The following RELN variants were observed in gnomAD, a reference collection of about 807,000 sequenced individuals.
RELN encodes reelin.
RELN carries 108 observed loss-of-function variants against 427.6 expected under a neutral mutation model. The observed-to-expected ratio is 0.25, with a 90% CI of 0.22 to 0.30. The LOEUF is 0.30. RELN is among the 10% of genes least tolerant of loss of function. The pLI, the probability that RELN is intolerant of heterozygous loss-of-function variation, is 1.00. For synonymous variants in RELN, 1,524 were observed against 1,513.4 expected, an observed-to-expected ratio of 1.01 and a Z score of -0.16; for missense variants, 3,715 against 4,302.8, an observed-to-expected ratio of 0.86 and a Z score of 3.82.
intron 1 of RELN, among the ~76,000 whole-genome samples, chr7:103,922,749 A>C (rs1416568323): frequency 1.3e-5 from 2 of 152,184 alleles, no homozygotes; most frequent in East Asian, 3.8e-4. Flanking sequence ...GAAAGTCTAA[A>C]AGAAAATAAA....
intron 1 of RELN, among the ~76,000 whole-genome samples, chr7:103,950,411 AACT>A (rs1164249374): frequency 6.6e-6 from 1 of 152,214 alleles, no homozygotes; most frequent in Non-Finnish European, 1.5e-5. Context: ...ATAAACATAA[AACT>A]ACTAAATTGA....
At chr7:103,658,116 C>T (rs1226538176) in intron 12 of RELN, among the ~76,000 whole-genome samples, 1 of 152,090 alleles carries the variant, frequency 6.6e-6, no homozygotes, top group Non-Finnish European at 1.5e-5. Context: ...TTGTCTAATA[C>T]ACTGCATTCT....
At chr7:103,747,176 C>T (rs1230133510) in intron 6 of RELN, among the ~76,000 whole-genome samples, 10 of 150,938 alleles carry the variant, frequency 6.6e-5, no homozygotes, top group Non-Finnish European at 1.5e-4. Context: ...AAAAACCAAA[C>T]ACCGCATGTT....
Position 103,989,383 on chromosome 7 carries a change from G to GCCGCCGCCGCCGCCGCCGCCGC in RELN, c.-28_-27insGCGGCGGCGGCGGCGGCGGCGG. On this transcript the variant is annotated 5_prime_UTR_variant, in exon 1 of 65. Transcript: ENST00000428762. This position sits in a 1 kb window ranked among gnomAD's most constrained non-coding sequence, Gnocchi z 4.9. ...CCGCCGCCGCCGCCGCCGCCGCCGC[G>GCCGCCGCCGCCGCCGCCGCCGC]CGCCCTACGCGCCGCTCGCTCATTC... 1 of 625,378 alleles carries GCCGCCGCCGCCGCCGCCGCCGC rather than the reference G, an allele frequency of 1.6e-6. No individual in the cohort carries two copies. The highest frequency in any genetic ancestry group is 3.3e-5 in the South Asian group (1 of 30,616). The allele number at this position is 625,378 out of a possible 1,614,324, so 38.7% of individuals were successfully genotyped here.
intron 22 of RELN, among the ~76,000 whole-genome samples, chr7:103,605,109 C>T (rs571127092): frequency 3.3e-5 from 5 of 152,230 alleles, no homozygotes; most frequent in East Asian, 1.9e-4. Context: ...GGATTACAGG[C>T]GTAAGCCACC....
rs1414167988 is a variant in RELN at position 103,680,241 on chromosome 7, T to C, written c.1289+1875A>G. 2.0e-5 allele frequency among the ~76,000 whole-genome samples: 3 copies of C among 151,688 alleles called. No homozygotes were observed. In the East Asian group the frequency reaches 5.9e-4, roughly 30 times the overall value. On this transcript the variant is annotated intron_variant, in intron 11 of 64. Transcript: ENST00000428762. ...GAGGGAGAGAGAGACATATTGGTATTTATGTGTGTATCAGAATGGTACTCC... is the reference window on the plus strand; with the variant it reads ...GAGGGAGAGAGAGACATATTGGTATCTATGTGTGTATCAGAATGGTACTCC...
chr7:103,946,048 C>G (rs1309930503), intron 1 of RELN, among the ~76,000 whole-genome samples: 1 of 152,170 alleles, frequency 6.6e-6, no homozygotes. Flanking sequence ...GCTGTGATTA[C>G]TTGTTCAATC....
intron 1 of RELN, among the ~76,000 whole-genome samples, chr7:103,931,766 A>AC (rs1350085244): frequency 6.6e-6 from 1 of 152,024 alleles, no homozygotes; most frequent in African/African-American, 2.4e-5. Flanking sequence ...CCTTAGTCCT[A>AC]CCCAAAAGTC....
chr7:103,979,827 T>G (rs1366918426), intron 1 of RELN, among the ~76,000 whole-genome samples: 1 of 152,218 alleles, frequency 6.6e-6, no homozygotes, highest in Non-Finnish European at 1.5e-5. Context: ...AAATCCTATA[T>G]AAGTTCTATT....
intron 3 of RELN, among the ~76,000 whole-genome samples, chr7:103,779,695 G>A (rs1193156614): frequency 6.6e-6 from 1 of 152,046 alleles, no homozygotes; most frequent in Non-Finnish European, 1.5e-5. Context: ...CTTTTCAGAG[G>A]AAGAGCCTGC....
intron 5 of RELN, among the ~76,000 whole-genome samples, chr7:103,749,733 A>G (rs908679135): frequency 2.6e-5 from 4 of 152,176 alleles, no homozygotes; most frequent in Non-Finnish European, 5.9e-5. Context: ...CCAAAAGGAA[A>G]TCTATGAAGC....
intron 10 of RELN, among the ~76,000 whole-genome samples, chr7:103,685,339 G>A (rs900447841): frequency 6.6e-6 from 1 of 151,990 alleles, no homozygotes; most frequent in Non-Finnish European, 1.5e-5. Context: ...AATTAAATGT[G>A]TAACTTTGTA....
intron 22 of RELN, among the ~76,000 whole-genome samples, chr7:103,607,734 T>C (rs1385002955): frequency 1.3e-5 from 2 of 152,172 alleles, no homozygotes; most frequent in East Asian, 3.8e-4. Context: ...TCAAGGTAAA[T>C]GAAGGCTGAC....
intron 20 of RELN, among the ~76,000 whole-genome samples, chr7:103,625,773 T>C (rs1425125011): frequency 1.3e-5 from 2 of 152,100 alleles, no homozygotes; most frequent in African/African-American, 4.8e-5. Context: ...TAAATTTCCT[T>C]GAATATGTGG....
intron 36 of RELN, among the ~76,000 whole-genome samples, chr7:103,559,481 C>T (rs1488193886): frequency 1.3e-5 from 2 of 152,150 alleles, no homozygotes; most frequent in Admixed American, 6.6e-5. Flanking sequence ...CTGCTCTGTT[C>T]GGTCCATGAT....
At chr7:103,672,977 T>C (rs1216484323) in intron 11 of RELN, among the ~76,000 whole-genome samples, 1 of 152,140 alleles carries the variant, frequency 6.6e-6, no homozygotes, top group African/African-American at 2.4e-5. Context: ...ATTTGTCTGG[T>C]ATATTAGTTC....
At chr7:103,484,096 T>C in intron 61 of RELN, 1 of 479,570 alleles carries the variant, frequency 2.1e-6, no homozygotes, top group Non-Finnish European at 3.8e-6. Flanking sequence ...TCCAGGCTGG[T>C]CTCGAACTCC....
intron 28 of RELN, among the ~76,000 whole-genome samples, chr7:103,587,177 T>TAC (rs1262558139): frequency 1.3e-5 from 2 of 151,994 alleles, no homozygotes; most frequent in African/African-American, 4.8e-5. Flanking sequence ...GGTGTAAAAA[T>TAC]ACACACACAG....
intron 8 of RELN, among the ~76,000 whole-genome samples, chr7:103,720,136 C>T (rs1790039839): frequency 1.3e-5 from 2 of 150,022 alleles, no homozygotes; most frequent in African/African-American, 4.9e-5. Flanking sequence ...TGTATGTATA[C>T]ATATATAATG....
Sources: allele counts gnomAD v4.1 joint callset (sites outside exome capture counted in the v4.1 genomes callset), GRCh38; gene constraint gnomAD v4.1.1; non-coding constraint Gnocchi (gnomAD v3.1); transcripts MANE v1.5; gene names NCBI Gene and HGNC (gene_info 2026-07-23, HGNC 2026-07-21).